ARHGEF28: variants seen among roughly 807,000 people sequenced by gnomAD.
ARHGEF28 encodes the protein 190 kDa guanine nucleotide exchange factor.
ARHGEF28 carries 152 observed loss-of-function variants against 206.6 expected under a neutral mutation model. That is an observed-to-expected ratio of 0.74 (90% CI 0.64 to 0.84). The LOEUF (loss-of-function observed/expected upper bound fraction) is 0.84. Among genes scored for constraint, ARHGEF28 ranks in the 40% least tolerant of loss-of-function variants. The pLI, the probability that ARHGEF28 is intolerant of heterozygous loss-of-function variation, is 0.00. For missense variants in ARHGEF28, 2,028 were observed against 2,073.2 expected, an observed-to-expected ratio of 0.98 and a Z score of 0.42; for synonymous variants, 763 against 776.4, an observed-to-expected ratio of 0.98 and a Z score of 0.29.
intron 34 of ARHGEF28, among the ~76,000 whole-genome samples, chr5:73,910,333 A>G (rs377231466): frequency 6.5e-4 from 93 of 142,280 alleles, no homozygotes; most frequent in African/African-American, 2.4e-3. Flanking sequence ...GTGAGCCGAG[A>G]TCACGCCATT....
At chr5:73,713,009 T>C (rs1289195770) in intron 2 of ARHGEF28, among the ~76,000 whole-genome samples, 2 of 152,224 alleles carry the variant, frequency 1.3e-5, no homozygotes, top group African/African-American at 2.4e-5. Context: ...CAAATGTAAT[T>C]ATATTTTCTT....
rs544773875 is a variant in ARHGEF28, at chr5:73,766,069, G to A, written c.476-7786G>A. 1.6e-4 allele frequency among the ~76,000 whole-genome samples: 25 copies of A among 151,554 alleles called. No individual in the cohort carries two copies. In the East Asian group the frequency reaches 2.1e-3, roughly 13 times the overall value. ...CGGGAGCCTGAGGCAGGAGAATGGCGTGAACCTGGGAGGTGGAGCTTGCAG... is the reference window on the plus strand; with the variant it reads ...CGGGAGCCTGAGGCAGGAGAATGGCATGAACCTGGGAGGTGGAGCTTGCAG... On this transcript the variant is annotated intron_variant, in intron 4 of 35. Coordinates refer to ENST00000513042, the MANE Select transcript of ARHGEF28 (RefSeq NM_001177693.2).
chr5:73,892,149 G>T lies in ARHGEF28; in HGVS notation c.3485G>T (p.Gly1162Val). The change falls in exon 27 of 36, where the codon GGT becomes GTT. Residue 1162 changes from glycine to valine, a missense_variant. Physicochemically the swap from Gly to Val is moderately radical, Grantham distance 109. Transcript: ENST00000513042. ...TTTCTGATCAGTGCTTCATCTGCTG[G>T]TCCTGAGATGTATGAAATTCACACC... ...GMFLISASSA[G>V]PEMYEIHTNS... 6.3e-7 allele frequency: 1 copy of T among 1,585,584 alleles called. No homozygotes were observed. The highest frequency in any genetic ancestry group is 8.6e-7 in the Non-Finnish European group (1 of 1,164,422).
intron 9 of ARHGEF28, among the ~76,000 whole-genome samples, chr5:73,830,145 T>C (rs1008644469): frequency 2.6e-5 from 4 of 152,196 alleles, no homozygotes; most frequent in Admixed American, 6.5e-5. Context: ...GTAAAGAATA[T>C]GCATGGTCCA....
chr5:73,776,273 A>G (rs934447418), intron 5 of ARHGEF28, among the ~76,000 whole-genome samples: 1 of 152,246 alleles, frequency 6.6e-6, no homozygotes, highest in Non-Finnish European at 1.5e-5. Context: ...TTCTTTATGT[A>G]AACCTTTAAA....
In ARHGEF28 at chr5:73,894,558, C is replaced by T; in HGVS notation, c.3824C>T (p.Ala1275Val). The stretch of plus-strand genomic sequence containing the variant: ...CCTCCCCAGGCAGCCTCATTACTGG[C>T]AGCAGCACTGAAAGAAGGTAAACTG... ...GEPPQAASLL[A>V]AALKEAESLQ... The change falls in exon 29 of 36, where the codon GCA becomes GTA. Residue 1275 changes from alanine (A) to valine (V), a missense_variant. By Grantham distance (64) the Ala-to-Val change is moderately conservative. Coordinates refer to ENST00000513042, the MANE Select transcript of ARHGEF28 (RefSeq NM_001177693.2). The T allele has an allele frequency of 6.2e-7, 1 of 1,613,536 alleles. No individual in the cohort carries two copies. The highest frequency in any genetic ancestry group is 8.5e-7 in the Non-Finnish European group (1 of 1,179,776).
Position 73,892,220 on chromosome 5 carries a change from G to A in ARHGEF28, c.3556G>A (p.Ala1186Thr). The change falls in exon 27 of 36, where the codon GCT (alanine) becomes ACT (threonine). Residue 1186 changes from alanine to threonine, a missense_variant. Physicochemically the swap from Ala to Thr is moderately conservative, Grantham distance 58 (BLOSUM62 0). Around this residue, in one of 3 missense-constraint regions of ARHGEF28, gnomAD observed 803 missense variants for 768.0 expected, o/e 1.05. Transcript: ENST00000513042. Reference protein sequence around the residue: ...RNNWMRRIQQAVESCPEEKGG... With the variant: ...RNNWMRRIQQTVESCPEEKGG... ...TAACTGGATGAGACGGATCCAGCAG[G>A]CTGTAGAAAGGTAACATTTCCTTCC... 1 of 1,562,052 alleles carries A rather than the reference G, an allele frequency of 6.4e-7. No homozygotes were observed. Among genetic ancestry groups the A allele is most frequent in the Non-Finnish European group, 8.7e-7 (1 of 1,151,954 alleles).
In ARHGEF28 at chr5:73,865,960, A is replaced by G. The variant is rs1759678422; in HGVS notation, c.2104-5A>G. The stretch of plus-strand genomic sequence containing the variant: ...ACTTTATGTGTTTCTAATATTCTTT[A>G]CCAGAAATTCCAAGAGAAATATAAC... On this transcript the variant is annotated splice_region_variant and splice_polypyrimidine_tract_variant and intron_variant, in intron 17 of 35. Coordinates refer to ENST00000513042, the MANE Select transcript of ARHGEF28 (RefSeq NM_001177693.2). 1 of 1,584,130 alleles carries G rather than the reference A, an allele frequency of 6.3e-7. No homozygotes were observed. Among genetic ancestry groups the G allele is most frequent in the Non-Finnish European group, 8.6e-7 (1 of 1,156,590 alleles).
chr5:73,741,977 A>G (rs1751461679), intron 2 of ARHGEF28, among the ~76,000 whole-genome samples: 1 of 152,044 alleles, frequency 6.6e-6, no homozygotes, highest in African/African-American at 2.4e-5. Flanking sequence ...CTTTTGCTTT[A>G]TATCTTTTGA....
rs559542539 is a variant in ARHGEF28, at chr5:73,652,003, G to A, written c.-12+25681G>A. 2.0e-4 allele frequency among the ~76,000 whole-genome samples: 31 copies of A among 152,288 alleles called. No homozygotes were observed. In the East Asian group the frequency reaches 3.1e-3, roughly 15 times the overall value. ...TGTGAAGTTACCTCATTTTGGTTCC[G>A]TTGGGCCTCAAGTGCAGAGTAAGTG... On this transcript the variant is annotated intron_variant, in intron 1 of 35. Transcript: ENST00000513042.
At chr5:73,782,245 CCTGACCAACA>C (rs1453106405) in intron 7 of ARHGEF28, among the ~76,000 whole-genome samples, 1 of 151,968 alleles carries the variant, frequency 6.6e-6, no homozygotes, top group Non-Finnish European at 1.5e-5. Flanking sequence ...TCGAGACCAG[CCTGACCAACA>C]TGGCGAAACC....
intron 2 of ARHGEF28, among the ~76,000 whole-genome samples, chr5:73,719,071 A>T (rs368127390): frequency 1.2e-4 from 18 of 152,312 alleles, no homozygotes; most frequent in African/African-American, 4.3e-4. Flanking sequence ...AAAGGAGATC[A>T]AGACTCAGCT....
chr5:73,922,912 T>G (rs1763596632), intron 35 of ARHGEF28, among the ~76,000 whole-genome samples: 2 of 152,216 alleles, frequency 1.3e-5, no homozygotes, highest in Non-Finnish European at 2.9e-5. Context: ...ATCCTGTATT[T>G]TTAGATGCTT....
chr5:73,645,713 G>T (rs556877076), intron 1 of ARHGEF28, among the ~76,000 whole-genome samples: 6 of 152,038 alleles, frequency 3.9e-5, no homozygotes, highest in Non-Finnish European at 8.8e-5. Flanking sequence ...TTAAATTCTT[G>T]TAATAGCTTT....
chr5:73,750,441 C>T (rs942017922), intron 3 of ARHGEF28, among the ~76,000 whole-genome samples: 3 of 151,886 alleles, frequency 2.0e-5, no homozygotes, highest in Non-Finnish European at 4.4e-5. Flanking sequence ...CTGCTTGCTC[C>T]GTTTGGTCAC....
At chr5:73,870,581 T>C (rs961672531) in intron 21 of ARHGEF28, among the ~76,000 whole-genome samples, 1 of 152,206 alleles carries the variant, frequency 6.6e-6, no homozygotes, top group African/African-American at 2.4e-5. Context: ...AGAATTGCAG[T>C]GAACCTTCAC....
intron 1 of ARHGEF28, among the ~76,000 whole-genome samples, chr5:73,660,978 C>T (rs1344225040): frequency 6.6e-6 from 1 of 152,214 alleles, no homozygotes; most frequent in Non-Finnish European, 1.5e-5. Flanking sequence ...GTATTAGTTC[C>T]TAATGAGAGA....
chr5:73,724,519 A>T (rs574879387), intron 2 of ARHGEF28, among the ~76,000 whole-genome samples: 1 of 152,166 alleles, frequency 6.6e-6, no homozygotes, highest in Non-Finnish European at 1.5e-5. Context: ...GAACATTAAC[A>T]TCACCCCAAA....
rs12187663 is a variant in ARHGEF28 at position 73,882,280 on chromosome 5, C to T, written c.2815-192C>T. ...AATATAATATCACATTATGTTGACC[C>T]TTACCACTCAACAACTTTCTTTTAT... On this transcript the variant is annotated intron_variant, in intron 22 of 35. Transcript: ENST00000513042. Among the ~76,000 whole-genome samples the T allele has an allele frequency of 0.036, 5,449 of 152,098 alleles. 121 individuals are homozygous for T. The highest frequency in any genetic ancestry group is 0.059 in the Non-Finnish European group (3,998 of 67,980).
Sources: allele counts gnomAD v4.1 joint callset (sites outside exome capture counted in the v4.1 genomes callset), GRCh38; gene constraint gnomAD v4.1.1; regional missense constraint gnomAD v4.1.1; transcripts MANE v1.5; gene names NCBI Gene and HGNC (gene_info 2026-07-23, HGNC 2026-07-21).